Variants in SMOC2 observed in about 807,000 individuals in gnomAD.
The protein encoded by SMOC2 is SPARC-related modular calcium-binding protein 2.
A neutral mutation model predicts 61.4 loss-of-function variants in SMOC2; 39 were observed. The ratio of observed to expected loss-of-function variants is 0.64; its 90% CI spans 0.49 to 0.83. The LOEUF is 0.83. Among genes scored for constraint, SMOC2 ranks in the 40% least tolerant of loss-of-function variants. SMOC2 has a pLI of 0.00. For missense variants in SMOC2, 556 were observed against 592.9 expected, an observed-to-expected ratio of 0.94 and a Z score of 0.65; for synonymous variants, 247 against 239.9, an observed-to-expected ratio of 1.03 and a Z score of -0.27.
In SMOC2 at chr6:168,538,396, C is replaced by G. The variant is rs1416930327; in HGVS notation, c.464-5229C>G. ...TGGAATGTGGGGAGTGGGGTGACCC[C>G]TGCTGGCATGTAGGGGAGTGGGGTG... On this transcript the variant is annotated intron_variant, in intron 4 of 12. Transcript: ENST00000356284. 1.8e-4 allele frequency among the ~76,000 whole-genome samples: 23 copies of G among 126,148 alleles called. 1 individual carries two copies. Among genetic ancestry groups the G allele is most frequent in the Non-Finnish European group, 2.1e-4 (13 of 60,602 alleles). The allele number at this position is 126,148 out of a possible 152,430, so 82.8% of individuals were successfully genotyped here. A position where few individuals can be genotyped will look rare whatever the true frequency, so the allele number is the denominator to read the frequency against.
rs1003986264 is a variant in SMOC2 at position 168,546,255 on chromosome 6, A to G, written c.512-864A>G. ...ATGATATAAGCAAGCTTCAGTGAAA[A>G]AAAAAAAAAAAAAAAAAAAAAAGGA... is the stretch of plus-strand genomic sequence containing the variant. On this transcript the variant is annotated intron_variant, in intron 5 of 12. Transcript: ENST00000356284. 2.1e-4 allele frequency among the ~76,000 whole-genome samples: 12 copies of G among 56,038 alleles called. No individual in the cohort carries two copies. In the African/African-American group the frequency reaches 4.1e-3, roughly 19 times the overall value. 36.8% of individuals were successfully genotyped at this position (56,038 alleles called of 152,430 possible).
Position 168,629,440 on chromosome 6 carries a change from G to A in SMOC2, c.907+21201G>A, listed in dbSNP as rs559116940. On this transcript the variant is annotated intron_variant, in intron 9 of 12. Coordinates refer to ENST00000356284, the MANE Select transcript of SMOC2 (RefSeq NM_001166412.2). Reference sequence around the variant, plus strand: ...CCAGGTCCCAGGCAGGGCACCTGTCGCCACAGGACAGGCTGATTGGGTGCC... The same window carrying A: ...CCAGGTCCCAGGCAGGGCACCTGTCACCACAGGACAGGCTGATTGGGTGCC... 1.3e-4 allele frequency among the ~76,000 whole-genome samples: 20 copies of A among 152,354 alleles called. 1 individual carries two copies. Among genetic ancestry groups the A allele is most frequent in the Middle Eastern group, 3.4e-3 (1 of 294 alleles).
chr6:168,560,578 G>A (rs1412181678), intron 7 of SMOC2, among the ~76,000 whole-genome samples: 47 of 108,944 alleles, frequency 4.3e-4, no homozygotes, highest in Non-Finnish European at 6.7e-4. Context: ...CTGCATTCTT[G>A]GAGGAGGTGT....
intron 9 of SMOC2, among the ~76,000 whole-genome samples, chr6:168,609,688 A>G (rs1347143072): frequency 1.3e-5 from 2 of 152,182 alleles, no homozygotes; most frequent in African/African-American, 2.4e-5. Flanking sequence ...TGAGCTTCTC[A>G]CATGCTTGCT....
At chr6:168,487,387 T>C (rs1459812621) in intron 1 of SMOC2, among the ~76,000 whole-genome samples, 1 of 152,232 alleles carries the variant, frequency 6.6e-6, no homozygotes, top group Non-Finnish European at 1.5e-5. Flanking sequence ...AGAGATGCTG[T>C]GCCAACAGTA....
intron 4 of SMOC2, among the ~76,000 whole-genome samples, chr6:168,533,533 A>G (rs1438806868): frequency 3.3e-5 from 5 of 152,210 alleles, no homozygotes; most frequent in Non-Finnish European, 7.3e-5. Flanking sequence ...CACCCAGAAT[A>G]ATTAAATTCC....
intron 1 of SMOC2, among the ~76,000 whole-genome samples, chr6:168,484,743 A>C (rs1782290330): frequency 6.6e-6 from 1 of 152,258 alleles, no homozygotes; most frequent in African/African-American, 2.4e-5. Context: ...TATATACATA[A>C]AAAGGAATAT....
chr6:168,599,813 A>ACT (rs1452977662), intron 8 of SMOC2, among the ~76,000 whole-genome samples: 1 of 37,118 alleles, frequency 2.7e-5, no homozygotes, highest in Non-Finnish European at 5.0e-5. Context: ...CATTCACCCC[A>ACT]CACACACACA....
At chr6:168,460,592 G>T (rs1241732561) in intron 1 of SMOC2, among the ~76,000 whole-genome samples, 1 of 152,186 alleles carries the variant, frequency 6.6e-6, no homozygotes, top group Admixed American at 6.5e-5. Context: ...GGGCATCTGA[G>T]CCCTGGGAAG....
intron 9 of SMOC2, among the ~76,000 whole-genome samples, chr6:168,631,837 C>T (rs938760813): frequency 1.3e-5 from 2 of 152,170 alleles, no homozygotes; most frequent in African/African-American, 4.8e-5. Context: ...TGAGGTCTTT[C>T]TTCAGGAATT....
intron 9 of SMOC2, among the ~76,000 whole-genome samples, chr6:168,610,561 C>T (rs11969758): frequency 0.26 from 39,187 of 152,074 alleles, 5,172 homozygotes; most frequent in Non-Finnish European, 0.27. Flanking sequence ...TAAAAGGTAC[C>T]GTTTCCTTTT....
intron 9 of SMOC2, among the ~76,000 whole-genome samples, chr6:168,611,209 G>A (rs968272574): frequency 2.8e-4 from 41 of 145,194 alleles, no homozygotes; most frequent in Admixed American, 4.8e-4. Context: ...TGTGGCTCCC[G>A]TGTCGGGCCT....
At chr6:168,613,856 GGCCTCTTC>G (rs1785965807) in intron 9 of SMOC2, among the ~76,000 whole-genome samples, 2 of 96,446 alleles carry the variant, frequency 2.1e-5, no homozygotes, top group Admixed American at 1.0e-4. Context: ...CAGCACAGGG[GGCCTCTTC>G]ACACCTACAG....
intron 1 of SMOC2, among the ~76,000 whole-genome samples, chr6:168,472,723 T>TC (rs1181295327): frequency 6.6e-6 from 1 of 152,134 alleles, no homozygotes; most frequent in Non-Finnish European, 1.5e-5. Flanking sequence ...AGGCATTTTT[T>TC]CCCCTCCAAG....
chr6:168,522,706 G>A (rs1337146783), intron 2 of SMOC2, among the ~76,000 whole-genome samples: 4 of 152,024 alleles, frequency 2.6e-5, no homozygotes, highest in South Asian at 2.1e-4. Context: ...AGTATACCTC[G>A]TGTATGATTA....
chr6:168,613,769 CAGGGCCTCTTCACACCTACAGCCAGCA>C, intron 9 of SMOC2, among the ~76,000 whole-genome samples: 1 of 81,966 alleles, frequency 1.2e-5, no homozygotes, highest in South Asian at 4.5e-4. Context: ...ACAGCCAGCA[CAGGGCCTCTTCACACCTACAGCCAGCA>C]CAGGGCCTCT....
At chr6:168,480,078 T>G (rs1782172811) in intron 1 of SMOC2, among the ~76,000 whole-genome samples, 1 of 151,838 alleles carries the variant, frequency 6.6e-6, no homozygotes, top group East Asian at 1.9e-4. Context: ...CAGCCCACAA[T>G]AAGAAAAAAT....
At chr6:168,509,881 TA>T in intron 1 of SMOC2, 33 bp from the exon 2 acceptor site, 4 of 1,577,492 alleles carry the variant, frequency 2.5e-6, no homozygotes, top group Non-Finnish European at 3.5e-6. Context: ...AATGTGTCTT[TA>T]AATTTGTCTG....
chr6:168,542,022 A>G (rs1354194695), intron 4 of SMOC2, among the ~76,000 whole-genome samples: 1 of 152,246 alleles, frequency 6.6e-6, no homozygotes, highest in Non-Finnish European at 1.5e-5. Context: ...AATTATTAGC[A>G]TATTTACATT....
Sources: allele counts gnomAD v4.1 joint callset (sites outside exome capture counted in the v4.1 genomes callset), GRCh38; gene constraint gnomAD v4.1.1; transcripts MANE v1.5; gene names NCBI Gene and HGNC (gene_info 2026-07-23, HGNC 2026-07-21).